The following SYNPO2 variants were observed in gnomAD, a reference collection of about 807,000 sequenced individuals.
SYNPO2 encodes synaptopodin-2.
A neutral mutation model predicts 85.0 loss-of-function variants in SYNPO2; 56 were observed. The ratio of observed to expected loss-of-function variants is 0.66; its 90% CI spans 0.53 to 0.82. The LOEUF (loss-of-function observed/expected upper bound fraction) is 0.82. Ranked by LOEUF, SYNPO2 falls within the 40% of genes least tolerant of loss-of-function variation. SYNPO2 has a pLI of 0.00. For synonymous variants in SYNPO2, 602 were observed against 591.1 expected (o/e 1.02, Z -0.27); for missense variants, 1,575 against 1,534.2 (o/e 1.03, Z -0.44).
intron 1 of SYNPO2, among the ~76,000 whole-genome samples, chr4:118,901,898 T>C (rs1732769244): frequency 6.6e-6 from 1 of 152,202 alleles, no homozygotes; most frequent in Non-Finnish European, 1.5e-5. Context: ...GCTCATTTCC[T>C]TTTCATTTTG....
chr4:118,977,497 A>G (rs1265201278), intron 1 of SYNPO2, among the ~76,000 whole-genome samples: 2 of 152,184 alleles, frequency 1.3e-5, no homozygotes, highest in Non-Finnish European at 1.5e-5. Flanking sequence ...AGGGGCTCCC[A>G]CAGTGCAGGG....
At chr4:118,987,383 T>A (rs1736256701) in intron 1 of SYNPO2, among the ~76,000 whole-genome samples, 2 of 152,210 alleles carry the variant, frequency 1.3e-5, no homozygotes, top group Admixed American at 6.5e-5. Flanking sequence ...AAATGCCTAA[T>A]ATGGGCCAGG....
intron 1 of SYNPO2, among the ~76,000 whole-genome samples, chr4:119,002,498 A>T (rs901828383): frequency 6.6e-6 from 1 of 152,062 alleles, no homozygotes; most frequent in Non-Finnish European, 1.5e-5. Context: ...TGACCTTGTG[A>T]TCCACCGGCC....
At chr4:119,007,277 TATATAC>T (rs1346573701) in intron 1 of SYNPO2, among the ~76,000 whole-genome samples, 1 of 84,338 alleles carries the variant, frequency 1.2e-5, no homozygotes, top group African/African-American at 5.6e-5. Context: ...TATATATATG[TATATAC>T]ATATATATAT....
chr4:118,919,712 A>G (rs559203680), intron 1 of SYNPO2, among the ~76,000 whole-genome samples: 10 of 152,268 alleles, frequency 6.6e-5, no homozygotes, highest in African/African-American at 2.4e-4. Context: ...TCGAAATATG[A>G]GAAGGTGTCT....
At chr4:119,053,124 T>C (rs531758135) in intron 4 of SYNPO2, among the ~76,000 whole-genome samples, 1 of 152,334 alleles carries the variant, frequency 6.6e-6, no homozygotes, top group South Asian at 2.1e-4. Context: ...TGGTCGTTTC[T>C]GGCTCAGGGT....
At chr4:119,044,637 T>A (rs957478053) in intron 4 of SYNPO2, among the ~76,000 whole-genome samples, 4 of 152,152 alleles carry the variant, frequency 2.6e-5, no homozygotes. Flanking sequence ...TTCAAGTGAT[T>A]AAGATTCCTA....
upstream of SYNPO2, among the ~76,000 whole-genome samples, chr4:118,884,152 A>G (rs1355704199): frequency 1.3e-5 from 2 of 152,172 alleles, no homozygotes; most frequent in Admixed American, 1.3e-4. Context: ...TCTGATTGAG[A>G]TATTATCTTT....
intron 1 of SYNPO2, among the ~76,000 whole-genome samples, chr4:118,853,898 A>G (rs1227939168): frequency 6.6e-6 from 1 of 152,176 alleles, no homozygotes; most frequent in African/African-American, 2.4e-5. Context: ...TGGATACCAT[A>G]CTTTGTACAG....
At chr4:118,868,734 G>A (rs917381089) in intron 1 of SYNPO2, among the ~76,000 whole-genome samples, 4 of 152,268 alleles carry the variant, frequency 2.6e-5, no homozygotes, top group African/African-American at 7.2e-5. Context: ...AGATGCTGGC[G>A]TAATTACCCA....
intron 1 of SYNPO2, among the ~76,000 whole-genome samples, chr4:118,974,919 A>C (rs1250594966): frequency 6.6e-6 from 1 of 152,106 alleles, no homozygotes; most frequent in African/African-American, 2.4e-5. Flanking sequence ...ATCTTCAGTC[A>C]TCTCCTGTCT....
intron 1 of SYNPO2, among the ~76,000 whole-genome samples, chr4:118,978,804 C>T (rs1027076107): frequency 2.8e-5 from 3 of 106,194 alleles, no homozygotes; most frequent in South Asian, 2.8e-4. Context: ...CACACACACA[C>T]ACACACACAC....
intron 4 of SYNPO2, chr4:119,042,632 C>A (rs1438546981): frequency 6.6e-6 from 1 of 152,180 alleles, no homozygotes; most frequent in East Asian, 1.9e-4. Flanking sequence ...GAAGTTCATG[C>A]ACTTTATGCA....
intron 1 of SYNPO2, among the ~76,000 whole-genome samples, chr4:118,860,405 G>C (rs1410554218): frequency 2.0e-5 from 3 of 151,840 alleles, no homozygotes; most frequent in Admixed American, 6.6e-5. Context: ...CACCACACCT[G>C]GCTACTTTTT....
In SYNPO2 at chr4:118,891,442, T is replaced by C. The variant is rs560530459; in HGVS notation, c.105+2301T>C. On this transcript the variant is annotated intron_variant, in intron 1 of 4. Coordinates refer to ENST00000307142, the MANE Select transcript of SYNPO2 (RefSeq NM_133477.3). ...TCTATAGAAGATGTAAGTTCTAAATTACTGTGGCAATGCACAATTTTTGTT... is the reference window on the plus strand; with the variant it reads ...TCTATAGAAGATGTAAGTTCTAAATCACTGTGGCAATGCACAATTTTTGTT... 5.3e-5 allele frequency among the ~76,000 whole-genome samples: 8 copies of C among 152,346 alleles called. No individual in the cohort carries two copies. In the East Asian group the frequency reaches 1.5e-3, roughly 29 times the overall value.
At chr4:118,890,859 C>A (rs544360325) in intron 1 of SYNPO2, among the ~76,000 whole-genome samples, 1 of 152,034 alleles carries the variant, frequency 6.6e-6, no homozygotes, top group East Asian at 1.9e-4. Context: ...ATTCTACGAT[C>A]CTGATAGTGT....
chr4:118,953,924 A>C (rs1181970690), intron 1 of SYNPO2, among the ~76,000 whole-genome samples: 1 of 152,180 alleles, frequency 6.6e-6, no homozygotes, highest in Non-Finnish European at 1.5e-5. Flanking sequence ...AATGCAAAAA[A>C]GTTGGAGCAA....
At chr4:118,946,062 A>G (rs1186548016) in intron 1 of SYNPO2, among the ~76,000 whole-genome samples, 3 of 152,086 alleles carry the variant, frequency 2.0e-5, no homozygotes, top group East Asian at 1.9e-4. Flanking sequence ...TTTCTTTAAC[A>G]CTATTAGGAA....
intron 1 of SYNPO2, among the ~76,000 whole-genome samples, chr4:118,962,050 G>C (rs1035516591): frequency 7.9e-5 from 12 of 152,170 alleles, no homozygotes; most frequent in African/African-American, 2.9e-4. Flanking sequence ...CAATCACCCT[G>C]TGTTCGCTTT....
Sources: gnomAD v4.1 joint callset for allele counts (sites outside exome capture counted in the v4.1 genomes callset) on GRCh38, gnomAD v4.1.1 for gene constraint, MANE v1.5 for transcripts, NCBI Gene and HGNC (gene_info 2026-07-23, HGNC 2026-07-21) for gene names.